Variants in TXLNB observed in about 807,000 individuals in gnomAD.
TXLNB encodes taxilin beta, also known as beta-taxilin.
A neutral mutation model predicts 57.4 loss-of-function variants in TXLNB; 37 were observed. The observed-to-expected ratio is 0.64, with a 90% CI of 0.50 to 0.85. TXLNB has a LOEUF of 0.85. Among genes scored for constraint, TXLNB ranks in the 40% least tolerant of loss-of-function variants. The pLI is 0.00. For synonymous variants in TXLNB, 302 were observed against 309.6 expected, an observed-to-expected ratio of 0.98 and a Z score of 0.26; for missense variants, 848 against 825.6, an observed-to-expected ratio of 1.03 and a Z score of -0.33.
chr6:139,269,160 C>G (rs1776694454), intron 4 of TXLNB: 1 of 152,240 alleles, frequency 6.6e-6, no homozygotes. Flanking sequence ...CGGCCTTGGG[C>G]TTCCAAAATG....
the TXLNB span, among the ~76,000 whole-genome samples, chr6:139,191,825 G>A: frequency 8.1e-3 from 1,228 of 152,222 alleles, 14 homozygotes; most frequent in African/African-American, 0.028. Context: ...CCACAGGGAC[G>A]CGAGACAGAA....
chr6:139,303,217 G>C, the TXLNB span, among the ~76,000 whole-genome samples: 1 of 152,156 alleles, frequency 6.6e-6, no homozygotes, highest in South Asian at 2.1e-4. Context: ...GGTCAAAGAA[G>C]AGACTTTCAG....
At chr6:139,315,455 A>C in the TXLNB span, among the ~76,000 whole-genome samples, 1 of 152,214 alleles carries the variant, frequency 6.6e-6, no homozygotes, top group Non-Finnish European at 1.5e-5. Flanking sequence ...TTTGTTCCTG[A>C]CATAAAAGAG....
At chr6:139,252,101 G>T (rs774019034) in intron 7 of TXLNB, among the ~76,000 whole-genome samples, 1 of 152,206 alleles carries the variant, frequency 6.6e-6, no homozygotes, top group Non-Finnish European at 1.5e-5. Context: ...GCCTTGGCTT[G>T]TATAATTGAA....
At chr6:139,236,224 T>A (rs935100694), downstream of TXLNB, among the ~76,000 whole-genome samples, 3 of 152,102 alleles carry the variant, frequency 2.0e-5, no homozygotes, top group African/African-American at 4.8e-5. Context: ...CTGAGCTGAT[T>A]AATGCAAGCC....
rs777091586 is a variant in TXLNB at position 139,276,875 on chromosome 6, T to C, written c.471A>G (p.Thr157=). ...ATAAAAAATCAAACTTTTCTTCCGG[T>C]GTTTGCAACTTGTTCAGATTTTGCA... ...LLMQNLNKLQ[T]PEEKFDFLFK... is the part of the protein sequence containing the mutation. Residue 157 remains threonine (T), a synonymous_variant, in exon 3 of 10, where the codon ACA becomes ACG. Coordinates refer to ENST00000358430, the MANE Select transcript of TXLNB (RefSeq NM_153235.4). The C allele has an allele frequency of 3.1e-6, 5 of 1,600,452 alleles. No individual in the cohort carries two copies. The highest frequency in any genetic ancestry group is 4.3e-6 in the Non-Finnish European group (5 of 1,176,050).
chr6:139,242,099 T>C lies in TXLNB; in HGVS notation c.*427A>G, dbSNP rs559877180. 1.3e-5 allele frequency: 2 copies of C among 154,528 alleles called. No homozygotes were observed. Among genetic ancestry groups the C allele is most frequent in the South Asian group, 4.1e-4 (2 of 4,856 alleles). 9.6% of individuals were successfully genotyped at this position (154,528 alleles called of 1,614,324 possible). On this transcript the variant is annotated 3_prime_UTR_variant, in exon 10 of 10. Coordinates refer to ENST00000358430, the MANE Select transcript of TXLNB (RefSeq NM_153235.4). The stretch of plus-strand genomic sequence containing the variant: ...ATATTATGTATATGTATAGTTTAAA[T>C]GTAACCTGGGCATCCATAAATTACT...
At chr6:139,165,840 T>A in the TXLNB span, among the ~76,000 whole-genome samples, 2 of 152,160 alleles carry the variant, frequency 1.3e-5, no homozygotes, top group African/African-American at 4.8e-5. Flanking sequence ...TAAGATAGAG[T>A]ACAACTATGT....
chr6:139,270,497 T>C lies in TXLNB; in HGVS notation c.646A>G (p.Ser216Gly), dbSNP rs1280842346. The change falls in exon 4 of 10, where the codon AGT becomes GGT. Residue 216 changes from serine (S) to glycine (G), a missense_variant. Ser to Gly is a moderately conservative substitution (Grantham distance 56). Coordinates refer to ENST00000358430, the MANE Select transcript of TXLNB (RefSeq NM_153235.4). ...TGTCTCTGCAGCTCCCGGCACAGAC[T>C]CTCCAATTTGCTTCGAGCGAGGATA... ...RAILARSKLE[S>G]LCRELQRHNK... is the part of the protein sequence containing the mutation. 1.5e-5 allele frequency: 24 copies of C among 1,614,150 alleles called. No individual in the cohort carries two copies. Among genetic ancestry groups the C allele is most frequent in the Non-Finnish European group, 1.9e-5 (23 of 1,180,010 alleles).
intron 9 of TXLNB, 135 bp from the exon 10 acceptor site, chr6:139,243,449 A>G: frequency 2.3e-6 from 2 of 859,530 alleles, no homozygotes; most frequent in Admixed American, 2.7e-5. Flanking sequence ...ACCTGGCTAC[A>G]GAGTAGGGGC....
At chr6:139,281,587 C>T (rs1267520956) in intron 2 of TXLNB, among the ~76,000 whole-genome samples, 1 of 78,282 alleles carries the variant, frequency 1.3e-5, no homozygotes, top group Non-Finnish European at 2.0e-5. Flanking sequence ...CTCGCTCTGT[C>T]GCCCAGGCTG....
At chr6:139,219,171 C>T in the TXLNB span, among the ~76,000 whole-genome samples, 1 of 152,218 alleles carries the variant, frequency 6.6e-6, no homozygotes, top group East Asian at 1.9e-4. Flanking sequence ...AATTTGGTTT[C>T]ATTTGTTCAG....
intron 9 of TXLNB, among the ~76,000 whole-genome samples, chr6:139,243,518 T>G (rs1210487630): frequency 6.7e-6 from 1 of 148,442 alleles, no homozygotes; most frequent in Non-Finnish European, 1.5e-5. Context: ...TTTGGCATTG[T>G]GTACTAGACT....
At chr6:139,202,439 G>A in the TXLNB span, among the ~76,000 whole-genome samples, 14 of 152,058 alleles carry the variant, frequency 9.2e-5, no homozygotes, top group African/African-American at 2.7e-4. Context: ...AAAAACTTAC[G>A]TGTATGTACA....
intron 4 of TXLNB, among the ~76,000 whole-genome samples, chr6:139,264,147 T>G (rs921026587): frequency 6.6e-6 from 1 of 152,222 alleles, no homozygotes; most frequent in Non-Finnish European, 1.5e-5. Context: ...CTTCTTAAAC[T>G]GAAGAAATAA....
downstream of TXLNB, among the ~76,000 whole-genome samples, chr6:139,236,629 C>A (rs751157730): frequency 3.9e-5 from 6 of 152,116 alleles, no homozygotes; most frequent in Non-Finnish European, 7.3e-5. Context: ...GTGAGTCGAG[C>A]CTCTTTCCTT....
chr6:139,236,000 T>C (rs1343690489), downstream of TXLNB, among the ~76,000 whole-genome samples: 1 of 151,546 alleles, frequency 6.6e-6, no homozygotes, highest in East Asian at 1.9e-4. Context: ...CAGAGAAGAG[T>C]CCGGACGCTG....
At chr6:139,184,185 GAGC>G in the TXLNB span, among the ~76,000 whole-genome samples, 2 of 152,226 alleles carry the variant, frequency 1.3e-5, no homozygotes, top group Admixed American at 1.3e-4. Context: ...ACATTGTACA[GAGC>G]AGGGAGTCCC....
rs57409101 is a variant in TXLNB, at chr6:139,285,257, AACACACACACACAC to A, written c.424+3205_424+3218del. Among the ~76,000 whole-genome samples, 679 of 120,064 alleles carry A rather than the reference AACACACACACACAC, an allele frequency of 5.7e-3. 66 individuals carry two copies. Among genetic ancestry groups the A allele is most frequent in the African/African-American group, 0.018 (577 of 32,042 alleles). 78.8% of individuals were successfully genotyped at this position (120,064 alleles called of 152,430 possible). On this transcript the variant is annotated intron_variant, in intron 2 of 9. Coordinates refer to ENST00000358430, the MANE Select transcript of TXLNB (RefSeq NM_153235.4). The stretch of plus-strand genomic sequence containing the variant: ...CTATTTTCTTCATATCTTTCCCCTC[AACACACACACACAC>A]ACACACACACACACACACACACACA...
Sources: allele counts gnomAD v4.1 joint callset (sites outside exome capture counted in the v4.1 genomes callset), GRCh38; gene constraint gnomAD v4.1.1; transcripts MANE v1.5; gene names NCBI Gene and HGNC (gene_info 2026-07-23, HGNC 2026-07-21).